Variants in FREM2 observed in about 807,000 individuals in gnomAD.
FREM2 encodes the protein FRAS1 related extracellular matrix 2, also known as FRAS1-related extracellular matrix protein 2.
In FREM2, 119 loss-of-function variants were observed where a neutral mutation model predicts 219.9. The observed-to-expected ratio is 0.54, with a 90% CI of 0.47 to 0.63. The LOEUF (loss-of-function observed/expected upper bound fraction) is 0.63, where lower values mean the gene tolerates loss of function less well. Ranked by LOEUF, FREM2 falls within the 30% of genes least tolerant of loss-of-function variation. The probability of loss-of-function intolerance (pLI) is 0.00; values close to 1 mark genes in which losing one functional copy is unlikely to be tolerated. For synonymous variants in FREM2, 1,562 were observed against 1,522.8 expected (o/e 1.03, Z -0.60); for missense variants, 4,030 against 3,993.6 (o/e 1.01, Z -0.25).
intron 7 of FREM2, among the ~76,000 whole-genome samples, chr13:38,847,895 A>C (rs1877222829): frequency 6.6e-6 from 1 of 152,164 alleles, no homozygotes; most frequent in African/African-American, 2.4e-5. Context: ...GAAAAATATT[A>C]AATTAAAGAT....
intron 6 of FREM2, among the ~76,000 whole-genome samples, chr13:38,831,997 G>C (rs1297590584): frequency 1.3e-5 from 2 of 152,038 alleles, no homozygotes. Context: ...CAGAATGTAT[G>C]TTTATGTAAA....
At chr13:38,701,786 T>A (rs976934936) in intron 2 of FREM2, among the ~76,000 whole-genome samples, 1 of 152,120 alleles carries the variant, frequency 6.6e-6, no homozygotes. Flanking sequence ...CACAATTACA[T>A]AATTAGTCTC....
intron 6 of FREM2, among the ~76,000 whole-genome samples, chr13:38,789,240 C>A (rs1874455897): frequency 6.6e-6 from 1 of 151,834 alleles, no homozygotes; most frequent in Non-Finnish European, 1.5e-5. Context: ...ATGTATGTAG[C>A]TAGATTTTGG....
At chr13:38,851,566 A>G in intron 10 of FREM2, 120 bp from the exon 11 acceptor site, 2 of 801,994 alleles carry the variant, frequency 2.5e-6, no homozygotes, top group Non-Finnish European at 4.2e-6. Flanking sequence ...GAGGGGACAG[A>G]GAGAAGCCAG....
intron 6 of FREM2, among the ~76,000 whole-genome samples, chr13:38,799,883 T>C (rs551890803): frequency 5.9e-5 from 9 of 152,232 alleles, no homozygotes; most frequent in African/African-American, 2.2e-4. Flanking sequence ...GTGCATTTCT[T>C]ATAGGCAGCA....
chr13:38,754,894 T>C (rs1366390636), intron 2 of FREM2, among the ~76,000 whole-genome samples: 2 of 128,122 alleles, frequency 1.6e-5, no homozygotes, highest in Non-Finnish European at 3.3e-5. Context: ...ATGATGATGA[T>C]GATGATGATT....
At chr13:38,735,275 C>T (rs1168137241) in intron 2 of FREM2, among the ~76,000 whole-genome samples, 1 of 151,952 alleles carries the variant, frequency 6.6e-6, no homozygotes, top group Non-Finnish European at 1.5e-5. Context: ...TAAAATCATC[C>T]CGTTTATAGC....
At chr13:38,777,972 C>A (rs569393198) in intron 4 of FREM2, among the ~76,000 whole-genome samples, 1 of 152,302 alleles carries the variant, frequency 6.6e-6, no homozygotes, top group Non-Finnish European at 1.5e-5. Context: ...ATTCCTAATT[C>A]AAACTTACTG....
chr13:38,816,742 A>G (rs977281519), intron 6 of FREM2, among the ~76,000 whole-genome samples: 5 of 152,174 alleles, frequency 3.3e-5, no homozygotes, highest in Admixed American at 6.6e-5. Context: ...TAGGCAAGAG[A>G]AAGAAATAAA....
intron 2 of FREM2, among the ~76,000 whole-genome samples, chr13:38,751,446 T>C (rs1326590998): frequency 6.6e-6 from 1 of 152,094 alleles, no homozygotes; most frequent in Non-Finnish European, 1.5e-5. Flanking sequence ...AGAGCTTGAC[T>C]CTTATTGCTG....
intron 2 of FREM2, among the ~76,000 whole-genome samples, chr13:38,711,362 G>A (rs1360539919): frequency 1.3e-5 from 2 of 152,096 alleles, no homozygotes; most frequent in African/African-American, 2.4e-5. Flanking sequence ...GACTAGCAAA[G>A]CATTTTATAC....
At chr13:38,786,297 CTG>C (rs1874327340) in intron 6 of FREM2, among the ~76,000 whole-genome samples, 1 of 152,134 alleles carries the variant, frequency 6.6e-6, no homozygotes, top group Admixed American at 6.5e-5. Flanking sequence ...ATAACAACAT[CTG>C]TGTTTTTACT....
chr13:38,826,901 T>G (rs926266550), intron 6 of FREM2, among the ~76,000 whole-genome samples: 12 of 152,140 alleles, frequency 7.9e-5, no homozygotes, highest in Admixed American at 2.0e-4. Flanking sequence ...TCCCTCTTCC[T>G]AGAATCTTTT....
chr13:38,857,017 C>T (rs763438271), intron 12 of FREM2, among the ~76,000 whole-genome samples: 3 of 151,974 alleles, frequency 2.0e-5, no homozygotes, highest in Non-Finnish European at 4.4e-5. Flanking sequence ...GGTTTTTCTA[C>T]TACAGTGCCT....
intron 4 of FREM2, among the ~76,000 whole-genome samples, chr13:38,775,410 T>A (rs1330152016): frequency 6.6e-6 from 1 of 152,126 alleles, no homozygotes; most frequent in East Asian, 1.9e-4. Context: ...AAAGAAACTA[T>A]CAGTGTGAAG....
At position 38,864,526 on chromosome 13, in the gene FREM2, T is replaced by G. The variant is rs1877886527; in HGVS notation, c.7903T>G (p.Cys2635Gly). The G allele has an allele frequency of 6.2e-7, 1 of 1,614,102 alleles. No homozygotes were observed. Among genetic ancestry groups the G allele is most frequent in the Admixed American group, 1.7e-5 (1 of 59,996 alleles). ...CTACCGGAACCTGAACCTAGAGGCC[T>G]GTTTATGGGAGTTCGTTAGCTACTA... ...RFYRNLNLEA[C>G]LWEFVSYYDM... is the part of the protein sequence containing the mutation. Residue 2635 changes from cysteine (C) to glycine (G), a missense_variant, in exon 16 of 24, where the codon TGT becomes GGT. Cys to Gly is a radical substitution (Grantham distance 159). Around this residue, in one of 2 missense-constraint regions of FREM2, gnomAD observed 928 missense variants for 1,042.9 expected, o/e 0.89. Coordinates refer to ENST00000280481, the MANE Select transcript of FREM2 (RefSeq NM_207361.6).
In FREM2 at chr13:38,872,770, C is replaced by T; in HGVS notation, c.8012C>T (p.Thr2671Ile). Reference protein sequence around the residue: ...QVLNLVQSYVTLRVPLYVSYV... With the variant: ...QVLNLVQSYVILRVPLYVSYV... ...CTAAACCTAGTGCAGTCCTATGTGA[C>T]CCTTCGAGTCCCTCTGTATGTTTCC... Residue 2671 changes from threonine to isoleucine, a missense_variant, in exon 17 of 24, where the codon ACC becomes ATC. Thr to Ile is a moderately conservative substitution (Grantham distance 89, BLOSUM62 -1). This residue lies in a region of FREM2 where 928 missense variants were observed against 1,042.9 expected (regional missense o/e 0.89). Coordinates refer to ENST00000280481, the MANE Select transcript of FREM2 (RefSeq NM_207361.6). 1.2e-6 allele frequency: 2 copies of T among 1,614,016 alleles called. No homozygotes were observed. Among genetic ancestry groups the T allele is most frequent in the African/African-American group, 2.7e-5 (2 of 75,018 alleles).
chr13:38,841,012 A>G (rs1444819960), intron 6 of FREM2, among the ~76,000 whole-genome samples: 1 of 152,172 alleles, frequency 6.6e-6, no homozygotes, highest in African/African-American at 2.4e-5. Context: ...ATAGTAGTCA[A>G]GGGCACAGGC....
rs775295548 is a variant in FREM2, at chr13:38,690,448, G to A, written c.3104G>A (p.Ser1035Asn). The A allele has an allele frequency of 3.1e-6, 5 of 1,614,234 alleles. No individual in the cohort carries two copies. In the South Asian group the frequency reaches 5.5e-5, roughly 18 times the overall value. ...CCTAAAGCGGATTCTTTTAACCTGA[G>A]TCTGTCAGATATGTCTCAAGAATGG... ...LLPKADSFNL[S>N]LSDMSQEWRI... Residue 1035 changes from serine to asparagine, a missense_variant, in exon 1 of 24, where the codon AGT (serine) becomes AAT (asparagine). By Grantham distance (46) the Ser-to-Asn change is conservative (BLOSUM62 1). This residue lies in a region of FREM2 where 3,102 missense variants were observed against 2,950.7 expected (regional missense o/e 1.05). Transcript: ENST00000280481.
Sources: allele counts gnomAD v4.1 joint callset (sites outside exome capture counted in the v4.1 genomes callset), GRCh38; gene constraint gnomAD v4.1.1; regional missense constraint gnomAD v4.1.1; transcripts MANE v1.5; gene names NCBI Gene and HGNC (gene_info 2026-07-23, HGNC 2026-07-21).